ENAH: variants seen among roughly 807,000 people sequenced by gnomAD.
ENAH encodes the protein ENAH actin regulator, also known as protein enabled homolog.
Under a neutral mutation model 78.7 loss-of-function variants are expected in ENAH, and 23 were observed. That is an observed-to-expected ratio of 0.29 (90% CI 0.21 to 0.41). The LOEUF (loss-of-function observed/expected upper bound fraction) is 0.41. ENAH is among the 10% of genes least tolerant of loss of function. The pLI is 1.00. For missense variants in ENAH, 544 were observed against 691.0 expected (o/e 0.79, Z 2.39); for synonymous variants, 226 against 241.0 (o/e 0.94, Z 0.58).
intron 2 of ENAH, among the ~76,000 whole-genome samples, 199 bp downstream of exon 2, chr1:225,567,050 T>C (rs1295613820): frequency 6.6e-6 from 1 of 152,246 alleles, no homozygotes; most frequent in Non-Finnish European, 1.5e-5. Context: ...ATTTCTATTT[T>C]TGTACAACTT....
rs1394761701 is a variant in ENAH at position 225,487,756 on chromosome 1, C to G, written c.*10019G>C. 2 of 152,134 alleles carry G rather than the reference C, an allele frequency of 1.3e-5. No individual in the cohort carries two copies. The highest frequency in any genetic ancestry group is 2.9e-5 in the Non-Finnish European group (2 of 68,030). 9.4% of individuals were successfully genotyped at this position (152,134 alleles called of 1,614,324 possible). A position where few individuals can be genotyped will look rare whatever the true frequency, so the allele number is the denominator to read the frequency against. ...TAGCTCTGCATAATCTTTTGACATA[C>G]ATGCACACTTCTAGTTCTAAAATTC... On this transcript the variant is annotated 3_prime_UTR_variant, in exon 14 of 14. Coordinates refer to ENST00000366843, the MANE Select transcript of ENAH (RefSeq NM_018212.6).
At chr1:225,544,703 T>C (rs1300701330) in intron 3 of ENAH, among the ~76,000 whole-genome samples, 1 of 152,226 alleles carries the variant, frequency 6.6e-6, no homozygotes, top group East Asian at 1.9e-4. Flanking sequence ...CTAAAGCAGC[T>C]TTCCCAGACA....
intron 1 of ENAH, among the ~76,000 whole-genome samples, chr1:225,601,082 C>A (rs1043056466): frequency 2.0e-4 from 30 of 152,094 alleles, no homozygotes; most frequent in African/African-American, 7.2e-4. Flanking sequence ...CCACTTCAAA[C>A]AGGTCTTAAA....
chr1:225,625,689 G>C (rs577334128), intron 1 of ENAH, among the ~76,000 whole-genome samples: 2 of 152,090 alleles, frequency 1.3e-5, no homozygotes, highest in African/African-American at 4.8e-5. Context: ...CTAATTGTTT[G>C]TATTTTTAGA....
At chr1:225,637,303 G>C (rs1180351589) in intron 1 of ENAH, among the ~76,000 whole-genome samples, 2 of 152,174 alleles carry the variant, frequency 1.3e-5, no homozygotes, top group African/African-American at 4.8e-5. Flanking sequence ...TGTCTCCCGG[G>C]TTCTAACTAT....
chr1:225,641,750 G>A (rs998678192), intron 1 of ENAH, among the ~76,000 whole-genome samples: 11 of 152,022 alleles, frequency 7.2e-5, no homozygotes, highest in African/African-American at 1.7e-4. Context: ...GCTGGACGCC[G>A]TGGCTCACAC....
At chr1:225,601,385 G>T (rs779358319) in intron 1 of ENAH, among the ~76,000 whole-genome samples, 12 of 152,088 alleles carry the variant, frequency 7.9e-5, no homozygotes, top group Non-Finnish European at 1.6e-4. Flanking sequence ...GGGTGTGGTG[G>T]CGGACGCATG....
chr1:225,524,636 G>A (rs911172983), intron 4 of ENAH: 26 of 985,372 alleles, frequency 2.6e-5, no homozygotes, highest in East Asian at 1.1e-4. Flanking sequence ...TCCGGCCTCC[G>A]AAGGCCAATA....
At chr1:225,501,122 G>A (rs1254840370) in intron 11 of ENAH, 52 bp from the exon 12 acceptor site, 8 of 1,410,588 alleles carry the variant, frequency 5.7e-6, no homozygotes, top group Non-Finnish European at 6.9e-6. Flanking sequence ...AATACTTAAT[G>A]AGTTCATAAA....
rs529000666 is a variant in ENAH, at chr1:225,550,671, T to C, written c.349+4235A>G. ...ATCATTAAAAAATGAAATCTCAATA[T>C]TATAAAACCTCTAGAAAATTTCAAC... On this transcript the variant is annotated intron_variant, in intron 3 of 13. Coordinates refer to ENST00000366843, the MANE Select transcript of ENAH (RefSeq NM_018212.6). 3.3e-5 allele frequency among the ~76,000 whole-genome samples: 5 copies of C among 152,250 alleles called. No homozygotes were observed. In the East Asian group the frequency reaches 9.6e-4, roughly 29 times the overall value.
intron 4 of ENAH, among the ~76,000 whole-genome samples, chr1:225,529,887 G>A (rs2096529433): frequency 6.6e-6 from 1 of 152,164 alleles, no homozygotes; most frequent in South Asian, 2.1e-4. Flanking sequence ...CCAGCTCAAT[G>A]GATGGAATGG....
chr1:225,568,128 A>G (rs1000995191), intron 1 of ENAH, among the ~76,000 whole-genome samples: 3 of 152,262 alleles, frequency 2.0e-5, no homozygotes, highest in African/African-American at 7.2e-5. Flanking sequence ...CTAGCCTCCA[A>G]AGATAAATAT....
At chr1:225,652,621 A>T in intron 1 of ENAH, 65 bp downstream of exon 1, 1 of 1,252,204 alleles carries the variant, frequency 8.0e-7, no homozygotes. Flanking sequence ...GGGTCCGAGG[A>T]GAACGGGGGT....
rs75136619 is a variant in ENAH, at chr1:225,512,979, A to G, written c.1256T>C (p.Ile419Thr). The G allele has an allele frequency of 6.0e-4, 972 of 1,613,730 alleles. 13 individuals are homozygous for G. The East Asian group carries it at 0.021, about 35-fold the overall frequency. ...DTSFPSGGNA[I>T]GVNSASSKTD... ...TTTAGATGAGGCGGAGTTCACACCA[A>G]TAGCATTCCCTCCACTTGGGAAAGA... is the stretch of plus-strand genomic sequence containing the variant. Residue 419 changes from isoleucine (I) to threonine (T), a missense_variant, in exon 8 of 14, where the codon ATT (isoleucine) becomes ACT (threonine). This residue lies in a region of ENAH where 366 missense variants were observed against 396.1 expected (regional missense o/e 0.92). Transcript: ENST00000366843.
At position 225,576,800 on chromosome 1, in the gene ENAH, C is replaced by T. The variant is rs547957371; in HGVS notation, c.6-9386G>A. 9.2e-5 allele frequency among the ~76,000 whole-genome samples: 14 copies of T among 152,310 alleles called. No homozygotes were observed. The South Asian group carries it at 2.9e-3, about 32-fold the overall frequency. ...GCCTCAGAGGAAACCAGCACCAGCC[C>T]TGCCAGCACATCAAGCTCAGACTTT... On this transcript the variant is annotated intron_variant, in intron 1 of 13. Coordinates refer to ENST00000366843, the MANE Select transcript of ENAH (RefSeq NM_018212.6).
intron 5 of ENAH, among the ~76,000 whole-genome samples, chr1:225,518,250 ATTTCT>A (rs1321174855): frequency 6.6e-6 from 1 of 152,244 alleles, no homozygotes; most frequent in African/African-American, 2.4e-5. Flanking sequence ...TAATTGACTA[ATTTCT>A]TTTACAAGAA....
At chr1:225,518,362 T>G (rs2096438622) in intron 5 of ENAH, among the ~76,000 whole-genome samples, 1 of 151,974 alleles carries the variant, frequency 6.6e-6, no homozygotes, top group African/African-American at 2.4e-5. Context: ...AATTTAGTTG[T>G]TTTTTTAAAA....
rs1455087873 is a variant in ENAH, at chr1:225,490,972, A to G, written c.*6803T>C. On this transcript the variant is annotated 3_prime_UTR_variant, in exon 14 of 14. Transcript: ENST00000366843. ...AATGGGGTTTGTGAATCCATGGTTAAGCTAGCCTGCCACCAAGGATGGACA... is the reference window on the plus strand; with the variant it reads ...AATGGGGTTTGTGAATCCATGGTTAGGCTAGCCTGCCACCAAGGATGGACA... 1 of 152,220 alleles carries G rather than the reference A, an allele frequency of 6.6e-6. No individual in the cohort carries two copies. The highest frequency in any genetic ancestry group is 2.4e-5 in the African/African-American group (1 of 41,444). 9.4% of individuals were successfully genotyped at this position (152,220 alleles called of 1,614,324 possible).
chr1:225,498,990 T>C lies in ENAH; in HGVS notation c.1618-586A>G, dbSNP rs1048075503. Among the ~76,000 whole-genome samples the C allele has an allele frequency of 2.6e-5, 4 of 152,154 alleles. No homozygotes were observed. In the East Asian group the frequency reaches 7.7e-4, roughly 29 times the overall value. On this transcript the variant is annotated intron_variant, in intron 12 of 13. Transcript: ENST00000366843. ...TCCAATACGGCAGGCACGAATCATA[T>C]GCAGCTGCTGAGCCCCTGAAATGAG...
Sources: allele counts gnomAD v4.1 joint callset (sites outside exome capture counted in the v4.1 genomes callset), GRCh38; gene constraint gnomAD v4.1.1; regional missense constraint gnomAD v4.1.1; transcripts MANE v1.5; gene names NCBI Gene and HGNC (gene_info 2026-07-23, HGNC 2026-07-21).